The following PTPRQ variants were observed in gnomAD, a reference collection of about 807,000 sequenced individuals.
PTPRQ encodes protein tyrosine phosphatase receptor type Q.
In PTPRQ, 199 loss-of-function variants were observed where a neutral mutation model predicts 246.0. The ratio of observed to expected loss-of-function variants is 0.81; its 90% CI spans 0.72 to 0.91. The LOEUF is 0.91. Among genes scored for constraint, PTPRQ ranks in the 40% least tolerant of loss-of-function variants. The pLI, the probability that PTPRQ is intolerant of heterozygous loss-of-function variation, is 0.00. For missense variants in PTPRQ, 2,624 were observed against 2,528.4 expected (o/e 1.04, Z -0.81); for synonymous variants, 869 against 853.2 (o/e 1.02, Z -0.32).
chr12:80,584,250 A>G (rs1220697205), intron 25 of PTPRQ: 2 of 152,176 alleles, frequency 1.3e-5, no homozygotes, highest in Non-Finnish European at 2.9e-5. Context: ...ATATCTGCAG[A>G]CACAAAGGTC....
At chr12:80,610,231 TTTTTC>T (rs1261231296) in intron 27 of PTPRQ, among the ~76,000 whole-genome samples, 1 of 150,572 alleles carries the variant, frequency 6.6e-6, no homozygotes, top group Non-Finnish European at 1.5e-5. Context: ...TGGTTTGTCT[TTTTTC>T]TTTTACTTTC....
At chr12:80,618,424 G>A (rs1898850391) in intron 30 of PTPRQ, among the ~76,000 whole-genome samples, 4 of 145,516 alleles carry the variant, frequency 2.7e-5, no homozygotes. Flanking sequence ...AAGACCAAAT[G>A]AAACAAGCAG....
intron 26 of PTPRQ, among the ~76,000 whole-genome samples, chr12:80,597,420 G>A (rs1281710192): frequency 6.6e-6 from 1 of 151,952 alleles, no homozygotes; most frequent in East Asian, 1.9e-4. Flanking sequence ...TTTGGGAATT[G>A]GAGGAAGTGA....
At chr12:80,460,540 G>T in intron 5 of PTPRQ, 113 bp from the exon 6 acceptor site, 1 of 395,516 alleles carries the variant, frequency 2.5e-6, no homozygotes. Flanking sequence ...ACTTTTGCAT[G>T]TTATGTGTGT....
chr12:80,513,760 A>G (rs1371454583), intron 17 of PTPRQ, among the ~76,000 whole-genome samples: 2 of 152,046 alleles, frequency 1.3e-5, no homozygotes, highest in African/African-American at 4.8e-5. Context: ...CACGGCTTCC[A>G]GTTTCAAGGT....
At chr12:80,446,808 T>G (rs1345931099) in intron 3 of PTPRQ, among the ~76,000 whole-genome samples, 1 of 152,054 alleles carries the variant, frequency 6.6e-6, no homozygotes, top group African/African-American at 2.4e-5. Flanking sequence ...TACCACATTT[T>G]CTTTACCCAT....
At position 80,444,816 on chromosome 12, in the gene PTPRQ, C is replaced by T; in HGVS notation, c.130C>T (p.Pro44Ser). 6.5e-7 allele frequency: 1 copy of T among 1,536,322 alleles called. No homozygotes were observed. Among genetic ancestry groups the T allele is most frequent in the Non-Finnish European group, 8.8e-7 (1 of 1,137,024 alleles). Residue 44 changes from proline to serine, a missense_variant, in exon 2 of 45, where the codon CCT becomes TCT. By Grantham distance (74) the Pro-to-Ser change is moderately conservative. Coordinates refer to ENST00000644991, the MANE Select transcript of PTPRQ (RefSeq NM_001145026.2). ...TTCAATTTCTACAACATACACCTCA[C>T]CTGTTACTAGAATAGTGACAACAAA... ...ISSISTTYTSPVTRIVTTNVT... is the reference protein window; with the variant it reads ...ISSISTTYTSSVTRIVTTNVT...
intron 39 of PTPRQ, among the ~76,000 whole-genome samples, chr12:80,664,630 GC>G (rs2121268609): frequency 6.6e-6 from 1 of 151,870 alleles, no homozygotes; most frequent in East Asian, 1.9e-4. Context: ...TTACATTATA[GC>G]CCCTTGAAGA....
At chr12:80,551,207 T>G (rs1453068958) in intron 25 of PTPRQ, among the ~76,000 whole-genome samples, 2 of 152,178 alleles carry the variant, frequency 1.3e-5, no homozygotes, top group Non-Finnish European at 2.9e-5. Context: ...GAATTTGTGT[T>G]ACATGAAATC....
At chr12:80,479,758 TA>T (rs1371104046) in intron 8 of PTPRQ, among the ~76,000 whole-genome samples, 1 of 150,040 alleles carries the variant, frequency 6.7e-6, no homozygotes, top group African/African-American at 2.5e-5. Context: ...TTTAAACCAA[TA>T]AAGATCAAAA....
At chr12:80,573,928 T>C (rs573703921) in intron 25 of PTPRQ, among the ~76,000 whole-genome samples, 2 of 152,290 alleles carry the variant, frequency 1.3e-5, no homozygotes, top group Admixed American at 6.5e-5. Flanking sequence ...TTAATAGTGT[T>C]TTGCAAAATG....
chr12:80,460,361 A>G (rs1893118554), intron 5 of PTPRQ, among the ~76,000 whole-genome samples: 2 of 152,234 alleles, frequency 1.3e-5, no homozygotes, highest in African/African-American at 4.8e-5. Flanking sequence ...CACTGTTAAC[A>G]TGAAGCTTAA....
intron 17 of PTPRQ, among the ~76,000 whole-genome samples, chr12:80,521,733 G>T (rs1895497645): frequency 6.6e-6 from 1 of 151,978 alleles, no homozygotes; most frequent in Non-Finnish European, 1.5e-5. Flanking sequence ...TCTCTGTTTT[G>T]GTACCAGTAC....
At chr12:80,496,180 A>C in intron 13 of PTPRQ, 70 bp from the exon 14 acceptor site, 1 of 1,540,884 alleles carries the variant, frequency 6.5e-7, no homozygotes, top group Non-Finnish European at 8.7e-7. Context: ...ACTTCATGCT[A>C]CCTCTAGGGT....
chr12:80,575,545 G>A (rs1897257708), intron 25 of PTPRQ, among the ~76,000 whole-genome samples: 1 of 152,082 alleles, frequency 6.6e-6, no homozygotes, highest in South Asian at 2.1e-4. Flanking sequence ...AGGTACCACT[G>A]CACTCCAGCC....
At chr12:80,592,802 G>C (rs1409625885) in intron 26 of PTPRQ, among the ~76,000 whole-genome samples, 1 of 152,114 alleles carries the variant, frequency 6.6e-6, no homozygotes, top group Admixed American at 6.5e-5. Context: ...TTGAGGTCAG[G>C]AATTTGAAAT....
At chr12:80,482,831 A>C (rs899516120) in intron 8 of PTPRQ, among the ~76,000 whole-genome samples, 23 of 139,582 alleles carry the variant, frequency 1.6e-4, no homozygotes, top group African/African-American at 6.1e-4. Context: ...ATGAGATATC[A>C]TCTCACACCA....
At chr12:80,570,423 G>T (rs1053073851) in intron 25 of PTPRQ, among the ~76,000 whole-genome samples, 1 of 151,208 alleles carries the variant, frequency 6.6e-6, no homozygotes. Context: ...ACATTTTGAT[G>T]GGGTTGTTTG....
intron 29 of PTPRQ, 50 bp downstream of exon 29, chr12:80,613,886 T>G: frequency 6.9e-7 from 1 of 1,439,076 alleles, no homozygotes. Flanking sequence ...TGTCAGTTTA[T>G]GAACTTGGCA....
Sources: gnomAD v4.1 joint callset for allele counts (sites outside exome capture counted in the v4.1 genomes callset) on GRCh38, gnomAD v4.1.1 for gene constraint, MANE v1.5 for transcripts, NCBI Gene and HGNC (gene_info 2026-07-23, HGNC 2026-07-21) for gene names.